Variants in EXOC6B observed in about 807,000 individuals in gnomAD.
EXOC6B encodes the protein exocyst complex component 6B, also known as SEC15 homolog B.
Under a neutral mutation model 113.5 loss-of-function variants are expected in EXOC6B, and 54 were observed. The ratio of observed to expected loss-of-function variants is 0.48; its 90% confidence interval spans 0.38 to 0.60. EXOC6B has a LOEUF of 0.60. Ranked by LOEUF, EXOC6B falls within the 20% of genes least tolerant of loss-of-function variation. EXOC6B has a pLI of 0.00. For missense variants in EXOC6B, 797 were observed against 977.5 expected, an observed-to-expected ratio of 0.82 and a Z score of 2.46; for synonymous variants, 357 against 339.0, an observed-to-expected ratio of 1.05 and a Z score of -0.58.
At chr2:72,388,266 A>G (rs1275284845) in intron 18 of EXOC6B, among the ~76,000 whole-genome samples, 1 of 152,160 alleles carries the variant, frequency 6.6e-6, no homozygotes, top group Non-Finnish European at 1.5e-5. Flanking sequence ...TTCAGTTCAA[A>G]ATATTTTCTA....
chr2:72,606,738 C>T lies in EXOC6B; in HGVS notation c.670-31070G>A, dbSNP rs564709794. 5.9e-5 allele frequency among the ~76,000 whole-genome samples: 9 copies of T among 151,518 alleles called. No homozygotes were observed. The South Asian group carries it at 1.9e-3, about 32-fold the overall frequency. On this transcript the variant is annotated intron_variant, in intron 6 of 21. Coordinates refer to ENST00000272427, the MANE Select transcript of EXOC6B (RefSeq NM_015189.3). ...CCACCTCCCAGGTTCAAGAGGTTTT[C>T]CTGCTTCAGCCTCTCGAGTAGCCCA... is the stretch of plus-strand genomic sequence containing the variant.
chr2:72,680,189 G>A (rs373706788), intron 6 of EXOC6B, among the ~76,000 whole-genome samples: 2 of 152,134 alleles, frequency 1.3e-5, no homozygotes, highest in African/African-American at 4.8e-5. Flanking sequence ...CAAGTTTTCT[G>A]TAAGTCTGCT....
At chr2:72,629,437 A>G (rs1672256390) in intron 6 of EXOC6B, among the ~76,000 whole-genome samples, 1 of 152,246 alleles carries the variant, frequency 6.6e-6, no homozygotes. Flanking sequence ...ATTTAATTCT[A>G]TTAGATGAAG....
intron 18 of EXOC6B, among the ~76,000 whole-genome samples, chr2:72,409,272 C>CCAT: frequency 6.6e-6 from 1 of 152,162 alleles, no homozygotes; most frequent in Non-Finnish European, 1.5e-5. Context: ...GTTGGTGGGA[C>CCAT]TGTAAACTAG....
intron 6 of EXOC6B, among the ~76,000 whole-genome samples, chr2:72,605,512 C>A (rs1304163048): frequency 6.6e-6 from 1 of 152,096 alleles, no homozygotes; most frequent in East Asian, 1.9e-4. Flanking sequence ...ATCACTATAT[C>A]ATATTAACTT....
At chr2:72,720,308 T>C (rs1190678623) in intron 5 of EXOC6B, among the ~76,000 whole-genome samples, 1 of 152,146 alleles carries the variant, frequency 6.6e-6, no homozygotes, top group East Asian at 1.9e-4. Flanking sequence ...TAAATGTGAA[T>C]GGACTAAGCA....
chr2:72,194,747 C>T (rs936001480), intron 20 of EXOC6B, among the ~76,000 whole-genome samples: 1 of 152,048 alleles, frequency 6.6e-6, no homozygotes, highest in Admixed American at 6.6e-5. Context: ...TGGAGGAGGC[C>T]TTTGGATTTT....
At chr2:72,239,578 G>A (rs375724197) in intron 20 of EXOC6B, among the ~76,000 whole-genome samples, 1 of 152,108 alleles carries the variant, frequency 6.6e-6, no homozygotes, top group South Asian at 2.1e-4. Context: ...CTTGATTATT[G>A]TAGCTTTGTA....
chr2:72,540,297 T>C (rs1702527861), intron 8 of EXOC6B, among the ~76,000 whole-genome samples: 1 of 152,098 alleles, frequency 6.6e-6, no homozygotes, highest in African/African-American at 2.4e-5. Flanking sequence ...TTATAGTCCT[T>C]TGGGTACTTT....
intron 8 of EXOC6B, among the ~76,000 whole-genome samples, chr2:72,539,897 T>C (rs1702502168): frequency 6.6e-6 from 1 of 151,234 alleles, no homozygotes; most frequent in Admixed American, 6.6e-5. Context: ...GCTGCACCCA[T>C]TAACTCGTCA....
intron 1 of EXOC6B, among the ~76,000 whole-genome samples, chr2:72,757,210 C>T (rs1208154477): frequency 1.3e-5 from 2 of 152,118 alleles, no homozygotes; most frequent in Admixed American, 1.3e-4. Flanking sequence ...AACTACAAGT[C>T]TAATTTTCAA....
At chr2:72,229,429 T>C (rs376186651) in intron 20 of EXOC6B, among the ~76,000 whole-genome samples, 59 of 152,284 alleles carry the variant, frequency 3.9e-4, no homozygotes, top group African/African-American at 1.4e-3. Flanking sequence ...CCATTTGCTT[T>C]AAAGCTACAC....
intron 20 of EXOC6B, among the ~76,000 whole-genome samples, chr2:72,242,773 C>T (rs1682397804): frequency 6.6e-6 from 1 of 152,178 alleles, no homozygotes; most frequent in South Asian, 2.1e-4. Flanking sequence ...CACTCTGTCA[C>T]CCAGGCTGGA....
intron 17 of EXOC6B, among the ~76,000 whole-genome samples, chr2:72,469,294 T>C (rs139744956): frequency 6.6e-6 from 1 of 152,120 alleles, no homozygotes; most frequent in Non-Finnish European, 1.5e-5. Flanking sequence ...TTCATTTTCA[T>C]TGATTTCTGC....
intron 8 of EXOC6B, among the ~76,000 whole-genome samples, chr2:72,539,841 C>T (rs1423838393): frequency 1.3e-5 from 2 of 151,856 alleles, no homozygotes; most frequent in Admixed American, 6.6e-5. Context: ...TACATGCGCA[C>T]AATGTGCAGG....
intron 20 of EXOC6B, among the ~76,000 whole-genome samples, chr2:72,236,469 G>T (rs1350008326): frequency 6.6e-6 from 1 of 152,062 alleles, no homozygotes; most frequent in Admixed American, 6.6e-5. Context: ...CAAATATTTG[G>T]TTTTTAGGTA....
At chr2:72,606,189 A>G (rs1259854502) in intron 6 of EXOC6B, among the ~76,000 whole-genome samples, 1 of 152,076 alleles carries the variant, frequency 6.6e-6, no homozygotes, top group East Asian at 1.9e-4. Context: ...TTTCAAACAA[A>G]ATTTTCCACA....
chr2:72,543,245 TA>T (rs1031451707), intron 8 of EXOC6B, among the ~76,000 whole-genome samples: 1 of 152,106 alleles, frequency 6.6e-6, no homozygotes, highest in African/African-American at 2.4e-5. Context: ...ACAGACTATA[TA>T]AAAAAACTTA....
At chr2:72,421,610 C>A (rs1221059795) in intron 18 of EXOC6B, among the ~76,000 whole-genome samples, 5 of 152,262 alleles carry the variant, frequency 3.3e-5, no homozygotes, top group Non-Finnish European at 7.3e-5. Context: ...CATTCACATA[C>A]TTTATTCATA....
Sources: gnomAD v4.1 joint callset for allele counts (sites outside exome capture counted in the v4.1 genomes callset) on GRCh38, gnomAD v4.1.1 for gene constraint, MANE v1.5 for transcripts, NCBI Gene and HGNC (gene_info 2026-07-23, HGNC 2026-07-21) for gene names.